TIAM1: variants seen among roughly 807,000 people sequenced by gnomAD.
TIAM1 encodes TIAM Rac1 associated GEF 1.
In TIAM1, 65 loss-of-function variants were observed where a neutral mutation model predicts 163.5. The ratio of observed to expected loss-of-function variants is 0.40; its 90% CI spans 0.33 to 0.49. The LOEUF (loss-of-function observed/expected upper bound fraction) is 0.49, where lower values mean the gene tolerates loss of function less well. TIAM1 is among the 20% of genes least tolerant of loss of function. The pLI is 0.77. For missense variants in TIAM1, 1,789 were observed against 2,044.7 expected (o/e 0.87, Z 2.41); for synonymous variants, 833 against 810.1 (o/e 1.03, Z -0.48).
chr21:31,405,060 A>G (rs1183420807), intron 2 of TIAM1, among the ~76,000 whole-genome samples: 1 of 150,112 alleles, frequency 6.7e-6, no homozygotes, highest in Non-Finnish European at 1.5e-5. Context: ...TGGGCGAGAG[A>G]GTGAGACCCC....
intron 10 of TIAM1, among the ~76,000 whole-genome samples, chr21:31,210,627 A>AG (rs1569031785): frequency 7.3e-4 from 17 of 23,326 alleles, no homozygotes; most frequent in South Asian, 5.3e-3. Flanking sequence ...GAAAGAAAGA[A>AG]AGAAAGAAAG....
chr21:31,488,155 T>C (rs1173278961), intron 1 of TIAM1, among the ~76,000 whole-genome samples: 8 of 152,020 alleles, frequency 5.3e-5, no homozygotes, highest in Admixed American at 6.6e-5. Flanking sequence ...TGTGAAAGAG[T>C]AGTCGCTGAG....
At chr21:31,557,307 A>G (rs969492767) in intron 1 of TIAM1, among the ~76,000 whole-genome samples, 7 of 152,168 alleles carry the variant, frequency 4.6e-5, no homozygotes, top group African/African-American at 1.7e-4. Context: ...TGAAGAACGC[A>G]GAAAAGGAAA....
intron 10 of TIAM1, chr21:31,212,976 A>G (rs1404292057): frequency 6.4e-6 from 1 of 155,364 alleles, no homozygotes; most frequent in Non-Finnish European, 1.4e-5. Context: ...TTTAAAGAAC[A>G]CGCTATCAGA....
At position 31,391,223 on chromosome 21, in the gene TIAM1, G is replaced by A. The variant is rs184271231; in HGVS notation, c.-368-51801C>T. 2.0e-4 allele frequency among the ~76,000 whole-genome samples: 30 copies of A among 152,266 alleles called. No individual in the cohort carries two copies. The East Asian group carries it at 4.0e-3, about 21-fold the overall frequency. On this transcript the variant is annotated intron_variant, in intron 2 of 28. Coordinates refer to the TIAM1 transcript ENST00000286827. ...GTCCAAGATGGAGCCAGGGGTGGGA[G>A]GATAAGGAAAGGTCATGGCTGGGGC...
chr21:31,340,514 C>A (rs757891679), intron 1 of TIAM1, among the ~76,000 whole-genome samples: 1 of 152,136 alleles, frequency 6.6e-6, no homozygotes, highest in South Asian at 2.1e-4. Flanking sequence ...TCTATCTTCA[C>A]GTTTAATTCT....
chr21:31,486,729 A>T (rs554258962), intron 1 of TIAM1, among the ~76,000 whole-genome samples: 1 of 152,316 alleles, frequency 6.6e-6, no homozygotes, highest in African/African-American at 2.4e-5. Flanking sequence ...AGGACCAGTA[A>T]AGCCTGGTGG....
intron 1 of TIAM1, among the ~76,000 whole-genome samples, chr21:31,542,010 C>G (rs1028313180): frequency 2.0e-5 from 3 of 152,182 alleles, no homozygotes; most frequent in Non-Finnish European, 2.9e-5. Flanking sequence ...AACCAGTGCC[C>G]TCACCCCTCC....
chr21:31,396,818 G>A (rs890683114), intron 2 of TIAM1, among the ~76,000 whole-genome samples: 1 of 151,954 alleles, frequency 6.6e-6, no homozygotes, highest in Non-Finnish European at 1.5e-5. Flanking sequence ...GGGCCTGGTA[G>A]CAGATGCCTG....
intron 14 of TIAM1, among the ~76,000 whole-genome samples, chr21:31,186,159 T>C (rs1424846964): frequency 6.6e-6 from 1 of 152,118 alleles, no homozygotes; most frequent in African/African-American, 2.4e-5. Context: ...CCAAATGCAT[T>C]ATAGGCCATT....
chr21:31,247,035 G>C (rs2071537837), intron 5 of TIAM1, among the ~76,000 whole-genome samples: 1 of 152,082 alleles, frequency 6.6e-6, no homozygotes, highest in Non-Finnish European at 1.5e-5. Flanking sequence ...GAAAGATAAA[G>C]TTTGCCAGGC....
At chr21:31,422,250 G>A (rs184474087) in intron 2 of TIAM1, among the ~76,000 whole-genome samples, 14 of 152,252 alleles carry the variant, frequency 9.2e-5, no homozygotes, top group African/African-American at 3.1e-4. Flanking sequence ...TTATTGAGAG[G>A]AGAGAATATT....
chr21:31,475,749 G>T (rs73900105), intron 1 of TIAM1, among the ~76,000 whole-genome samples: 4,588 of 152,312 alleles, frequency 0.03, 237 homozygotes, highest in African/African-American at 0.1. Flanking sequence ...GGCCCAGAGA[G>T]CAGGAATCAG....
At chr21:31,412,372 C>A (rs1359739355) in intron 2 of TIAM1, among the ~76,000 whole-genome samples, 1 of 152,058 alleles carries the variant, frequency 6.6e-6, no homozygotes, top group Non-Finnish European at 1.5e-5. Context: ...CAGTCCCCAG[C>A]CTTTTTGGCA....
chr21:31,145,798 T>A (rs181081655), intron 20 of TIAM1, among the ~76,000 whole-genome samples: 4 of 152,330 alleles, frequency 2.6e-5, no homozygotes, highest in African/African-American at 4.8e-5. Context: ...AAGTCCTCAC[T>A]TAATGTAGTC....
chr21:31,547,261 G>A (rs190293625), intron 1 of TIAM1, among the ~76,000 whole-genome samples: 3 of 152,236 alleles, frequency 2.0e-5, no homozygotes, highest in Admixed American at 2.0e-4. Flanking sequence ...CATGCTAACC[G>A]GCAACTTTTA....
chr21:31,130,984 C>G (rs776232737), intron 23 of TIAM1, 36 bp from the exon 24 acceptor site: 1 of 1,589,326 alleles, frequency 6.3e-7, no homozygotes, highest in Non-Finnish European at 8.6e-7. Flanking sequence ...TATGGTATGT[C>G]ATGTGTAGGG....
intron 2 of TIAM1, among the ~76,000 whole-genome samples, chr21:31,365,197 G>C (rs1425518548): frequency 1.3e-5 from 2 of 151,810 alleles, no homozygotes; most frequent in African/African-American, 4.8e-5. Flanking sequence ...TAGTGATCAG[G>C]AAAGAAGATC....
intron 6 of TIAM1, among the ~76,000 whole-genome samples, chr21:31,227,623 C>T (rs907009428): frequency 6.6e-6 from 1 of 152,100 alleles, no homozygotes; most frequent in African/African-American, 2.4e-5. Flanking sequence ...AAACCGGAAG[C>T]CACAGGTGAG....
Sources: allele counts gnomAD v4.1 joint callset (sites outside exome capture counted in the v4.1 genomes callset), GRCh38; gene constraint gnomAD v4.1.1; transcripts MANE v1.5; gene names NCBI Gene and HGNC (gene_info 2026-07-23, HGNC 2026-07-21).